DOCK4: variants seen among roughly 807,000 people sequenced by gnomAD.
DOCK4 encodes the protein dedicator of cytokinesis 4, also known as dedicator of cytokinesis protein 4.
A neutral mutation model predicts 268.1 loss-of-function variants in DOCK4; 97 were observed. That is an observed-to-expected ratio of 0.36 (90% confidence interval 0.31 to 0.43). The LOEUF is 0.43. Ranked by LOEUF, DOCK4 falls within the 20% of genes least tolerant of loss-of-function variation. DOCK4 has a pLI of 1.00. For missense variants in DOCK4, 2,145 were observed against 2,455.7 expected (o/e 0.87, Z 2.67); for synonymous variants, 954 against 887.2 (o/e 1.08, Z -1.34).
At chr7:112,084,292 G>A (rs1808864512) in intron 1 of DOCK4, among the ~76,000 whole-genome samples, 1 of 152,186 alleles carries the variant, frequency 6.6e-6, no homozygotes, top group Non-Finnish European at 1.5e-5. Flanking sequence ...AAAGTGAAAA[G>A]ATGTTTAAAT....
intron 30 of DOCK4, among the ~76,000 whole-genome samples, chr7:111,790,885 C>T (rs1004505829): frequency 6.6e-6 from 1 of 150,992 alleles, no homozygotes. Flanking sequence ...GGTGAAACCC[C>T]ATCTCTACTA....
At chr7:112,075,434 T>C (rs1188995146) in intron 1 of DOCK4, among the ~76,000 whole-genome samples, 11 of 152,118 alleles carry the variant, frequency 7.2e-5, no homozygotes, top group Admixed American at 7.2e-4. Flanking sequence ...CATAGAGGAA[T>C]CATCACCTAG....
chr7:111,923,166 T>C (rs1318732333), intron 12 of DOCK4, among the ~76,000 whole-genome samples: 1 of 152,226 alleles, frequency 6.6e-6, no homozygotes, highest in Non-Finnish European at 1.5e-5. Context: ...TTAGGTATTA[T>C]ACATAAGCTA....
intron 1 of DOCK4, among the ~76,000 whole-genome samples, chr7:112,013,418 G>A (rs1456158420): frequency 6.6e-6 from 1 of 152,152 alleles, no homozygotes; most frequent in African/African-American, 2.4e-5. Context: ...TATTTCTCAA[G>A]GAGATAGGGG....
At chr7:112,098,230 G>T (rs1407229209) in intron 1 of DOCK4, among the ~76,000 whole-genome samples, 1 of 152,050 alleles carries the variant, frequency 6.6e-6, no homozygotes, top group Non-Finnish European at 1.5e-5. Flanking sequence ...CCAGGCTGGA[G>T]TGCAGTGGTG....
At chr7:111,958,036 T>G (rs1796573369) in intron 8 of DOCK4, among the ~76,000 whole-genome samples, 1 of 152,186 alleles carries the variant, frequency 6.6e-6, no homozygotes, top group Non-Finnish European at 1.5e-5. Flanking sequence ...TATAAACATT[T>G]TTGATGCACT....
chr7:111,923,655 C>T (rs1017657018), intron 12 of DOCK4, among the ~76,000 whole-genome samples: 2 of 152,068 alleles, frequency 1.3e-5, no homozygotes, highest in Admixed American at 1.3e-4. Context: ...ACATTTTATC[C>T]TCTGCAAAAG....
Position 111,788,763 on chromosome 7 carries a change from CTA to C in DOCK4, c.3316-18_3316-17del. On this transcript the variant is annotated splice_polypyrimidine_tract_variant and intron_variant, in intron 31 of 52. Coordinates refer to ENST00000428084, the MANE Select transcript of DOCK4 (RefSeq NM_001363540.2). ...TGGCTTCCACCTGAAACATACCCAA[CTA>C]TTATTCTCTTTCCTCCCCTTCACAA... is the stretch of plus-strand genomic sequence containing the variant. 1 of 1,564,452 alleles carries C rather than the reference CTA, an allele frequency of 6.4e-7. No homozygotes were observed. The highest frequency in any genetic ancestry group is 8.7e-7 in the Non-Finnish European group (1 of 1,149,426).
chr7:111,805,169 C>T (rs936551146), intron 30 of DOCK4, among the ~76,000 whole-genome samples: 4 of 152,084 alleles, frequency 2.6e-5, no homozygotes, highest in Non-Finnish European at 4.4e-5. Flanking sequence ...TTTCTATGTT[C>T]CCAACCAGAC....
At chr7:112,121,349 G>A (rs190863435) in intron 1 of DOCK4, among the ~76,000 whole-genome samples, 1 of 152,282 alleles carries the variant, frequency 6.6e-6, no homozygotes, top group East Asian at 1.9e-4. Context: ...CCTGTTATTA[G>A]ATTCCCCACA....
chr7:112,106,764 G>A (rs542092358), intron 1 of DOCK4, among the ~76,000 whole-genome samples: 7 of 152,250 alleles, frequency 4.6e-5, no homozygotes, highest in South Asian at 4.1e-4. Context: ...ATTCCTGTGC[G>A]GATTTAGGAG....
intron 1 of DOCK4, among the ~76,000 whole-genome samples, chr7:112,090,901 G>A (rs1315459507): frequency 2.6e-5 from 4 of 152,132 alleles, no homozygotes; most frequent in African/African-American, 7.2e-5. Flanking sequence ...AGAAGTGGCA[G>A]GGGGAGCACC....
intron 16 of DOCK4, among the ~76,000 whole-genome samples, chr7:111,890,520 T>C (rs1050587320): frequency 1.3e-5 from 2 of 152,204 alleles, no homozygotes; most frequent in East Asian, 1.9e-4. Context: ...GCTAATGATA[T>C]GCAAATTTTT....
At chr7:112,040,070 A>G (rs368770965) in intron 1 of DOCK4, among the ~76,000 whole-genome samples, 10 of 152,312 alleles carry the variant, frequency 6.6e-5, no homozygotes, top group Admixed American at 4.6e-4. Context: ...GACTCTCTCT[A>G]TATGTATACT....
chr7:111,847,421 C>T (rs1389369734), intron 23 of DOCK4, among the ~76,000 whole-genome samples: 3 of 151,706 alleles, frequency 2.0e-5, no homozygotes, highest in Non-Finnish European at 4.4e-5. Flanking sequence ...CCTGAATTTT[C>T]GTTAAGATAG....
intron 1 of DOCK4, among the ~76,000 whole-genome samples, chr7:112,181,595 G>A (rs1490067435): frequency 3.0e-5 from 4 of 133,960 alleles, no homozygotes; most frequent in South Asian, 2.4e-4. Flanking sequence ...AGCCAAAATC[G>A]TGCCACTGCA....
chr7:111,903,190 T>A (rs890367127), intron 13 of DOCK4, among the ~76,000 whole-genome samples: 2 of 152,216 alleles, frequency 1.3e-5, no homozygotes, highest in African/African-American at 4.8e-5. Flanking sequence ...CCAGATCATC[T>A]TCCTCCATAA....
chr7:111,947,316 T>C (rs1041636027), intron 8 of DOCK4, among the ~76,000 whole-genome samples: 2 of 152,226 alleles, frequency 1.3e-5, no homozygotes, highest in Non-Finnish European at 2.9e-5. Flanking sequence ...GGAACACTTA[T>C]TCTCTTTGGT....
chr7:112,101,953 C>T (rs1810737414), intron 1 of DOCK4, among the ~76,000 whole-genome samples: 1 of 152,076 alleles, frequency 6.6e-6, no homozygotes, highest in African/African-American at 2.4e-5. Context: ...CGCCATTCTC[C>T]CGCCTCAGCC....
Sources: gnomAD v4.1 joint callset for allele counts (sites outside exome capture counted in the v4.1 genomes callset) on GRCh38, gnomAD v4.1.1 for gene constraint, MANE v1.5 for transcripts, NCBI Gene and HGNC (gene_info 2026-07-23, HGNC 2026-07-21) for gene names.